RNLS: variants seen among roughly 807,000 people sequenced by gnomAD.
RNLS encodes renalase.
A neutral mutation model predicts 39.8 loss-of-function variants in RNLS; 39 were observed. The observed-to-expected ratio is 0.98, with a 90% CI of 0.76 to 1.28. RNLS has a LOEUF of 1.28. RNLS is among the 50% of genes most tolerant of loss of function. The pLI is 0.00. For missense variants in RNLS, 410 were observed against 413.3 expected (o/e 0.99, Z 0.07); for synonymous variants, 147 against 150.7 (o/e 0.98, Z 0.18).
intron 5 of RNLS, among the ~76,000 whole-genome samples, chr10:88,361,793 C>T (rs915063053): frequency 6.6e-6 from 1 of 152,156 alleles, no homozygotes; most frequent in Non-Finnish European, 1.5e-5. Flanking sequence ...AACAGATTGA[C>T]AGGACAATTC....
chr10:88,317,607 T>G (rs1433701511), intron 5 of RNLS, among the ~76,000 whole-genome samples: 1 of 152,224 alleles, frequency 6.6e-6, no homozygotes. Flanking sequence ...TTAACCTATT[T>G]TACATATACA....
chr10:88,348,836 T>C (rs936686144), intron 5 of RNLS, among the ~76,000 whole-genome samples: 5 of 152,198 alleles, frequency 3.3e-5, no homozygotes, highest in African/African-American at 1.2e-4. Context: ...TGAAAGCTCA[T>C]AATATTGTCA....
chr10:88,203,448 GTGTGTGTGTATATATATATATATATATA>G, the RNLS span, among the ~76,000 whole-genome samples: 5 of 10,882 alleles, frequency 4.6e-4, 1 homozygote, highest in African/African-American at 1.1e-3. Context: ...GTGTGTGTGT[GTGTGTGTGTATATATATATATATATATA>G]TATATATATA....
At chr10:88,332,468 T>C (rs1363615552) in intron 5 of RNLS, among the ~76,000 whole-genome samples, 2 of 152,250 alleles carry the variant, frequency 1.3e-5, no homozygotes, top group African/African-American at 4.8e-5. Context: ...TTCCATATTA[T>C]GTCCCTGGAG....
At chr10:88,352,874 C>T (rs1848836483) in intron 5 of RNLS, among the ~76,000 whole-genome samples, 1 of 152,156 alleles carries the variant, frequency 6.6e-6, no homozygotes, top group Non-Finnish European at 1.5e-5. Context: ...GCCTCAATTT[C>T]AGAGCCTGTT....
chr10:88,178,421 T>C, the RNLS span, among the ~76,000 whole-genome samples: 1 of 152,148 alleles, frequency 6.6e-6, no homozygotes, highest in Non-Finnish European at 1.5e-5. Context: ...CTCCCCAGTA[T>C]ACTGGACTCA....
At chr10:88,423,013 T>C (rs947857356) in intron 4 of RNLS, among the ~76,000 whole-genome samples, 1 of 152,122 alleles carries the variant, frequency 6.6e-6, no homozygotes, top group East Asian at 1.9e-4. Context: ...CCTCTCAAAG[T>C]GTTGGGATTA....
intron 4 of RNLS, among the ~76,000 whole-genome samples, chr10:88,401,422 C>A (rs1334792342): frequency 6.6e-6 from 1 of 151,982 alleles, no homozygotes; most frequent in African/African-American, 2.4e-5. Context: ...TGTCAAAATA[C>A]TAAACACCAG....
Position 88,398,485 on chromosome 10 carries a change from G to A in RNLS, c.527-35760C>T, listed in dbSNP as rs79890293. Among the ~76,000 whole-genome samples, 1,502 of 152,032 alleles carry A rather than the reference G, an allele frequency of 9.9e-3. 26 individuals are homozygous for A. Among genetic ancestry groups the A allele is most frequent in the African/African-American group, 0.034 (1,424 of 41,484 alleles). ...CATTTGAAAGAAATCCTCATGGGCT[G>A]GTGGTTTACTATATCTAAGAATTGA... On this transcript the variant is annotated intron_variant, in intron 4 of 6. Transcript: ENST00000331772.
chr10:88,302,709 T>A (rs146374620), intron 6 of RNLS, among the ~76,000 whole-genome samples: 1,577 of 152,322 alleles, frequency 0.01, 9 homozygotes, highest in Middle Eastern at 0.017. Flanking sequence ...CCCAATTTTA[T>A]TGAAATAAGG....
chr10:88,505,931 A>G (rs1165810977), intron 4 of RNLS, among the ~76,000 whole-genome samples: 2 of 152,162 alleles, frequency 1.3e-5, no homozygotes, highest in African/African-American at 2.4e-5. Flanking sequence ...CAGCATGGGT[A>G]TTAACTTACA....
At chr10:88,535,275 A>G (rs972046359) in intron 4 of RNLS, among the ~76,000 whole-genome samples, 1 of 152,182 alleles carries the variant, frequency 6.6e-6, no homozygotes, top group African/African-American at 2.4e-5. Flanking sequence ...TGTAATGTGT[A>G]TAAGTGAGTA....
chr10:88,341,750 G>A (rs1847973269), intron 5 of RNLS, among the ~76,000 whole-genome samples: 1 of 152,130 alleles, frequency 6.6e-6, no homozygotes, highest in Non-Finnish European at 1.5e-5. Flanking sequence ...TTACTACCAA[G>A]TGAGATGCTA....
chr10:88,575,839 C>G (rs141075827), intron 3 of RNLS, among the ~76,000 whole-genome samples: 1 of 152,100 alleles, frequency 6.6e-6, no homozygotes, highest in African/African-American at 2.4e-5. Context: ...CTTACAAAGC[C>G]CTGTATAACC....
intron 6 of RNLS, among the ~76,000 whole-genome samples, chr10:88,309,751 G>C (rs1301847194): frequency 6.6e-6 from 1 of 152,182 alleles, no homozygotes; most frequent in African/African-American, 2.4e-5. Flanking sequence ...GTCAGAGAAA[G>C]TTTCTGTGGG....
chr10:88,546,760 T>C (rs1848334322), intron 4 of RNLS, among the ~76,000 whole-genome samples: 1 of 152,180 alleles, frequency 6.6e-6, no homozygotes, highest in Admixed American at 6.5e-5. Flanking sequence ...GCAAGAAATG[T>C]TAAAATCTTT....
At chr10:88,330,891 A>G (rs1429002131) in intron 5 of RNLS, among the ~76,000 whole-genome samples, 2 of 152,206 alleles carry the variant, frequency 1.3e-5, no homozygotes, top group Non-Finnish European at 2.9e-5. Context: ...AGTAATTAAA[A>G]TAGGCTGGTA....
downstream of RNLS, among the ~76,000 whole-genome samples, chr10:88,271,132 A>G (rs1226018780): frequency 6.6e-6 from 1 of 152,204 alleles, no homozygotes; most frequent in African/African-American, 2.4e-5. Context: ...GGGCATTTCT[A>G]CCACAGCTGC....
At chr10:88,266,440 G>A in the RNLS span, among the ~76,000 whole-genome samples, 1 of 152,120 alleles carries the variant, frequency 6.6e-6, no homozygotes, top group Non-Finnish European at 1.5e-5. Flanking sequence ...AAAACAGAGG[G>A]CTTTTCCCCC....
Sources: gnomAD v4.1 joint callset for allele counts (sites outside exome capture counted in the v4.1 genomes callset) on GRCh38, gnomAD v4.1.1 for gene constraint, MANE v1.5 for transcripts, NCBI Gene and HGNC (gene_info 2026-07-23, HGNC 2026-07-21) for gene names.